The following BAIAP3 variants were observed in gnomAD, a reference collection of about 807,000 sequenced individuals.
BAIAP3 encodes the protein BAI1 associated protein 3.
A neutral mutation model predicts 149.7 loss-of-function variants in BAIAP3; 180 were observed. The observed-to-expected ratio is 1.20, with a 90% CI of 1.07 to 1.36. The LOEUF (loss-of-function observed/expected upper bound fraction) is 1.36. Ranked by LOEUF, BAIAP3 falls within the 40% of genes most tolerant of loss-of-function variation. The pLI is 0.00. For synonymous variants in BAIAP3, 845 were observed against 670.7 expected (o/e 1.26, Z -4.02); for missense variants, 1,767 against 1,563.4 (o/e 1.13, Z -2.20).
intron 1 of BAIAP3, chr16:1,334,427 G>A: frequency 1.8e-6 from 1 of 544,262 alleles, no homozygotes; most frequent in Non-Finnish European, 3.3e-6. Flanking sequence ...GCGGGCGCCC[G>A]GGGCCCCGGG....
chr16:1,341,605 C>A (rs2033932755), intron 8 of BAIAP3, 116 bp downstream of exon 8: 17 of 1,371,556 alleles, frequency 1.2e-5, no homozygotes, highest in Admixed American at 2.2e-5. Flanking sequence ...GGCCGTGTGC[C>A]CACTTTCCAG....
In BAIAP3 at chr16:1,338,896, C is replaced by A. The variant is rs1449807218; in HGVS notation, c.132-6C>A. The A allele has an allele frequency of 6.2e-7, 1 of 1,612,946 alleles. No homozygotes were observed. The highest frequency in any genetic ancestry group is 8.5e-7 in the Non-Finnish European group (1 of 1,179,896). On this transcript the variant is annotated splice_region_variant and splice_polypyrimidine_tract_variant and intron_variant, in intron 2 of 33. Coordinates refer to ENST00000426824, the MANE Select transcript of BAIAP3 (RefSeq NM_001199097.2). ...GAGCTGTGAGCTGACCCGGCTCTTT[C>A]TCCAGGAAACCCGGGGATGGCGTGG...
chr16:1,345,838 T>C lies in BAIAP3; in HGVS notation c.2156T>C (p.Leu719Pro). ...CACATCCAGGAGTTGTGGGTGCGCC[T>C]GGCGTGGCCTGACCCTGCCCAGGCT... ...LSHIQELWVR[L>P]AWPDPAQAQG... Residue 719 changes from leucine to proline, a missense_variant, in exon 23 of 34, where the codon CTG (leucine) becomes CCG (proline). Coordinates refer to ENST00000426824, the MANE Select transcript of BAIAP3 (RefSeq NM_001199097.2). 1 of 1,579,184 alleles carries C rather than the reference T, an allele frequency of 6.3e-7. No individual in the cohort carries two copies. The highest frequency in any genetic ancestry group is 8.6e-7 in the Non-Finnish European group (1 of 1,164,766).
chr16:1,339,091 C>A (rs775571779), intron 3 of BAIAP3, 73 bp from the exon 4 acceptor site: 1 of 1,591,302 alleles, frequency 6.3e-7, no homozygotes, highest in Non-Finnish European at 8.6e-7. Flanking sequence ...TCCTGGGGCA[C>A]CACCTGTCTT....
intron 29 of BAIAP3, 66 bp downstream of exon 29, chr16:1,347,435 C>T: frequency 6.3e-7 from 1 of 1,593,218 alleles, no homozygotes; most frequent in Non-Finnish European, 8.6e-7. Context: ...TGCAGCCCCA[C>T]ACGGGCTGTG....
chr16:1,337,951 G>C (rs2033582462), intron 1 of BAIAP3, among the ~76,000 whole-genome samples: 1 of 152,192 alleles, frequency 6.6e-6, no homozygotes, highest in Non-Finnish European at 1.5e-5. Context: ...GCTGTGCTTG[G>C]TGAGCGAGGA....
rs1449660488 is a variant in BAIAP3 at position 1,346,009 on chromosome 16, C to G, written c.2232C>G (p.Phe744Leu). Reference protein sequence around the residue: ...LGQDVCEATLFYTELLRKKVD... With the variant: ...LGQDVCEATLLYTELLRKKVD... Reference sequence around the variant, plus strand: ...AGGACGTGTGTGAGGCCACCCTCTTCTATACGGAGCTGCTTCGGAAGAAGG... The same window carrying G: ...AGGACGTGTGTGAGGCCACCCTCTTGTATACGGAGCTGCTTCGGAAGAAGG... The change falls in exon 24 of 34, where the codon TTC (phenylalanine) becomes TTG (leucine). Residue 744 changes from phenylalanine to leucine, a missense_variant. Phe to Leu is a conservative substitution (Grantham distance 22, BLOSUM62 0). Coordinates refer to ENST00000426824, the MANE Select transcript of BAIAP3 (RefSeq NM_001199097.2). The G allele has an allele frequency of 1.2e-6, 2 of 1,610,656 alleles. No individual in the cohort carries two copies. The highest frequency in any genetic ancestry group is 1.7e-6 in the Non-Finnish European group (2 of 1,179,136).
intron 1 of BAIAP3, among the ~76,000 whole-genome samples, chr16:1,337,333 T>A (rs895272305): frequency 3.9e-5 from 6 of 152,122 alleles, no homozygotes; most frequent in African/African-American, 1.4e-4. Flanking sequence ...CTGGCCAACA[T>A]AGCGAAACCC....
chr16:1,346,420 T>G (rs1432763774), intron 25 of BAIAP3, 22 bp from the exon 26 acceptor site: 2 of 1,612,296 alleles, frequency 1.2e-6, no homozygotes, highest in African/African-American at 1.3e-5. Context: ...CTGCCCGTGC[T>G]GAGCACTGCT....
intron 1 of BAIAP3, chr16:1,334,814 G>A: frequency 2.1e-6 from 3 of 1,456,614 alleles, no homozygotes; most frequent in Non-Finnish European, 2.8e-6. Context: ...AGGGGAGTCG[G>A]GGGGCTGAGG....
intron 4 of BAIAP3, 50 bp downstream of exon 4, chr16:1,339,294 C>G: frequency 6.5e-7 from 1 of 1,541,836 alleles, no homozygotes; most frequent in East Asian, 2.4e-5. Context: ...CGGCTGCTCC[C>G]TCAGCCGTTT....
intron 16 of BAIAP3, 21 bp downstream of exon 16, chr16:1,344,167 C>G: frequency 6.2e-7 from 1 of 1,612,166 alleles, no homozygotes; most frequent in Non-Finnish European, 8.5e-7. Flanking sequence ...CGCCGCGTGT[C>G]AGCGTGGGTG....
chr16:1,344,760 G>A (rs760873597), intron 19 of BAIAP3, 38 bp from the exon 20 acceptor site: 13 of 1,613,312 alleles, frequency 8.1e-6, no homozygotes, highest in South Asian at 3.3e-5. Flanking sequence ...GCCTGCAGGT[G>A]GGGCGCAGGT....
At chr16:1,339,349 C>A in intron 4 of BAIAP3, 105 bp downstream of exon 4, 1 of 1,506,858 alleles carries the variant, frequency 6.6e-7, no homozygotes, top group Non-Finnish European at 8.9e-7. Context: ...GGCAGAGAGC[C>A]AGGGTGAGTG....
At chr16:1,342,431 A>G in intron 11 of BAIAP3, 96 bp from the exon 12 acceptor site, 1 of 1,386,584 alleles carries the variant, frequency 7.2e-7, no homozygotes, top group Non-Finnish European at 9.9e-7. Flanking sequence ...CGGAGAAGGG[A>G]AGCCCAGGCC....
Position 1,346,660 on chromosome 16 carries a change from C to T in BAIAP3, c.2618C>T (p.Ser873Leu), listed in dbSNP as rs749171942. 7.2e-5 allele frequency: 79 copies of T among 1,099,214 alleles called. No homozygotes were observed. Among genetic ancestry groups the T allele is most frequent in the Middle Eastern group, 2.5e-4 (1 of 3,946 alleles). The allele number at this position is 1,099,214 out of a possible 1,614,324, so 68.1% of individuals were successfully genotyped here. A position where few individuals can be genotyped will look rare whatever the true frequency, so the allele number is the denominator to read the frequency against. Residue 873 changes from serine to leucine, a missense_variant, in exon 27 of 34, where the codon TCG becomes TTG. By Grantham distance (145) the Ser-to-Leu change is moderately radical. Transcript: ENST00000426824. ...LDEKLALLNA[S>L]LVKGNLSRVL... ...GAGAAGCTGGCCCTGCTGAACGCCTCGCTGGTGAAGGGGAACCTGAGCAGG... is the reference window on the plus strand; with the variant it reads ...GAGAAGCTGGCCCTGCTGAACGCCTTGCTGGTGAAGGGGAACCTGAGCAGG...
chr16:1,348,266 C>T lies in BAIAP3; in HGVS notation c.3320C>T (p.Pro1107Leu), dbSNP rs906981403. The T allele has an allele frequency of 9.4e-6, 15 of 1,601,826 alleles. No individual in the cohort carries two copies. The highest frequency in any genetic ancestry group is 1.3e-5 in the African/African-American group (1 of 74,796). ...GGCGGGGGTGCAAGGGCTGGGCAGC[C>T]TGTCACCCTGCACCTGTGCCGGCCC... ...QVGGGARAGQ[P>L]VTLHLCRPRA... The change falls in exon 33 of 34, where the codon CCT (proline) becomes CTT (leucine). Residue 1107 changes from proline to leucine, a missense_variant. By Grantham distance (98) the Pro-to-Leu change is moderately conservative. Transcript: ENST00000426824.
intron 1 of BAIAP3, chr16:1,336,537 G>C (rs532524838): frequency 6.6e-6 from 2 of 302,370 alleles, no homozygotes; most frequent in Admixed American, 1.3e-4. Flanking sequence ...GAATCAAGAC[G>C]AGATATCCGG....
intron 22 of BAIAP3, 81 bp from the exon 23 acceptor site, chr16:1,345,666 C>T (rs1428066504): frequency 1.9e-5 from 11 of 591,572 alleles, no homozygotes; most frequent in Non-Finnish European, 2.8e-5. Flanking sequence ...GCAACCCCAG[C>T]CTCCCCCACA....
Sources: allele counts gnomAD v4.1 joint callset (sites outside exome capture counted in the v4.1 genomes callset), GRCh38; gene constraint gnomAD v4.1.1; transcripts MANE v1.5; gene names NCBI Gene and HGNC (gene_info 2026-07-23, HGNC 2026-07-21).